The following PRPF6 variants were observed in gnomAD, a reference collection of about 807,000 sequenced individuals.
The protein encoded by PRPF6 is pre-mRNA-processing factor 6.
Under a neutral mutation model 118.3 loss-of-function variants are expected in PRPF6, and 42 were observed. The observed-to-expected ratio is 0.35, with a 90% CI of 0.28 to 0.46. PRPF6 has a LOEUF of 0.46. PRPF6 is among the 20% of genes least tolerant of loss of function. The probability of loss-of-function intolerance (pLI) is 1.00; values close to 1 mark genes in which losing one functional copy is unlikely to be tolerated. For synonymous variants in PRPF6, 481 were observed against 485.1 expected (o/e 0.99, Z 0.11); for missense variants, 662 against 1,255.7 (o/e 0.53, Z 7.15).
rs112328183 is a variant in PRPF6 at position 64,032,068 on chromosome 20, G to T, written c.2673+24G>T. ...AGGTGAGGCCCCTCGACAGACCGCCGCTCAGTGCCTTCTGGGACTGTGGCG... is the reference window on the plus strand; with the variant it reads ...AGGTGAGGCCCCTCGACAGACCGCCTCTCAGTGCCTTCTGGGACTGTGGCG... On this transcript the variant is annotated intron_variant, in intron 20 of 20. Coordinates refer to ENST00000266079, the MANE Select transcript of PRPF6 (RefSeq NM_012469.4). The T allele has an allele frequency of 1.1e-5, 18 of 1,613,278 alleles. No individual in the cohort carries two copies. In the Admixed American group the frequency reaches 2.7e-4, roughly 24 times the overall value.
In PRPF6 at chr20:64,016,777, C is replaced by T. The variant is rs760117864; in HGVS notation, c.1579C>T (p.Arg527Cys). ...TGTGGCCACCTGCCAGGCCGTCATGCGTGCCGTGATTGGGATTGGGATTGA... is the reference window on the plus strand; with the variant it reads ...TGTGGCCACCTGCCAGGCCGTCATGTGTGCCGTGATTGGGATTGGGATTGA... ...GSVATCQAVM[R>C]AVIGIGIEEE... The change falls in exon 12 of 21, where the codon CGT becomes TGT. Residue 527 changes from arginine to cysteine, a missense_variant. Around this residue, in one of 10 missense-constraint regions of PRPF6, gnomAD observed 189 missense variants for 323.5 expected, o/e 0.58. Coordinates refer to ENST00000266079, the MANE Select transcript of PRPF6 (RefSeq NM_012469.4). 6.2e-6 allele frequency: 10 copies of T among 1,614,060 alleles called. No individual in the cohort carries two copies. Among genetic ancestry groups the T allele is most frequent in the South Asian group, 2.2e-5 (2 of 91,082 alleles).
intron 3 of PRPF6, among the ~76,000 whole-genome samples, chr20:63,992,130 C>T (rs1236835295): frequency 6.6e-6 from 1 of 152,142 alleles, no homozygotes; most frequent in Non-Finnish European, 1.5e-5. Flanking sequence ...GCGACAAGGT[C>T]TCGCTCTGTC....
chr20:63,982,560 A>G lies in PRPF6; in HGVS notation c.72-487A>G, dbSNP rs935804544. On this transcript the variant is annotated intron_variant, in intron 1 of 20. Coordinates refer to ENST00000266079, the MANE Select transcript of PRPF6 (RefSeq NM_012469.4). ...GGAAGGCTAAAGGCAGGGAGAGGTA[A>G]CTTGGTTTCCAGCTGTGATGGGAGT... 6.6e-5 allele frequency among the ~76,000 whole-genome samples: 10 copies of G among 152,306 alleles called. 1 individual carries two copies. In the South Asian group the frequency reaches 2.1e-3, roughly 32 times the overall value.
intron 4 of PRPF6, among the ~76,000 whole-genome samples, chr20:63,994,711 C>T (rs188238075): frequency 1.8e-4 from 28 of 152,252 alleles, no homozygotes; most frequent in Admixed American, 1.8e-3. Context: ...GTTGAGGCTG[C>T]AGTGAGCTGT....
At chr20:64,001,634 G>A (rs866765521) in intron 9 of PRPF6, among the ~76,000 whole-genome samples, 3 of 152,210 alleles carry the variant, frequency 2.0e-5, no homozygotes, top group Non-Finnish European at 2.9e-5. Context: ...GACCCGTTGT[G>A]GGTGTTACTC....
chr20:64,014,773 C>G (rs925176815), intron 11 of PRPF6, among the ~76,000 whole-genome samples: 1 of 152,212 alleles, frequency 6.6e-6, no homozygotes, highest in African/African-American at 2.4e-5. Flanking sequence ...CTACCTTAGC[C>G]TACAGTTGGG....
At chr20:63,989,448 A>G (rs2059109157) in intron 3 of PRPF6, among the ~76,000 whole-genome samples, 1 of 152,212 alleles carries the variant, frequency 6.6e-6, no homozygotes, top group Non-Finnish European at 1.5e-5. Flanking sequence ...AAAAGGAAAA[A>G]AATAAAAAGT....
intron 12 of PRPF6, 24 bp from the exon 13 acceptor site, chr20:64,022,733 T>G: frequency 6.2e-7 from 1 of 1,613,908 alleles, no homozygotes; most frequent in South Asian, 1.1e-5. Flanking sequence ...GGGCTGCCCA[T>G]TCTCATGTCT....
chr20:63,984,866 G>A (rs764217116), intron 2 of PRPF6, 41 bp from the exon 3 acceptor site: 4 of 1,416,462 alleles, frequency 2.8e-6, no homozygotes, highest in Non-Finnish European at 4.0e-6. Context: ...GGATGGTGTT[G>A]AAGGAAAAGC....
Position 64,022,751 on chromosome 20 carries a change from C to T in PRPF6, c.1648-6C>T. ...CTGCCCATTCTCATGTCTCTCTCTG[C>T]TCTAGTGTGTAGCCCACAATGCCCT... is the stretch of plus-strand genomic sequence containing the variant. On this transcript the variant is annotated splice_polypyrimidine_tract_variant and splice_region_variant and intron_variant, in intron 12 of 20. Coordinates refer to ENST00000266079, the MANE Select transcript of PRPF6 (RefSeq NM_012469.4). 1.2e-6 allele frequency: 2 copies of T among 1,614,028 alleles called. No homozygotes were observed. The highest frequency in any genetic ancestry group is 3.3e-5 in the Admixed American group (2 of 60,018).
In PRPF6 at chr20:63,986,395, C is replaced by T. The variant is rs2059093418; in HGVS notation, c.359+1370C>T. ...TTCATCATGACCAAGTGGCATTTTG[C>T]CCAGGGGATACAAGTGCAAGGGTGG... On this transcript the variant is annotated intron_variant, in intron 3 of 20. Coordinates refer to ENST00000266079, the MANE Select transcript of PRPF6 (RefSeq NM_012469.4). Among the ~76,000 whole-genome samples the T allele has an allele frequency of 2.0e-5, 3 of 151,238 alleles. No individual in the cohort carries two copies. In the South Asian group the frequency reaches 6.3e-4, roughly 32 times the overall value.
chr20:64,001,544 A>C (rs1294400029), intron 9 of PRPF6, among the ~76,000 whole-genome samples: 1 of 152,140 alleles, frequency 6.6e-6, no homozygotes, highest in Non-Finnish European at 1.5e-5. Flanking sequence ...CAGGGTGAGA[A>C]CAACGGTAGC....
Position 64,026,387 on chromosome 20 carries a change from T to G in PRPF6, c.2028+329T>G, listed in dbSNP as rs546867497. On this transcript the variant is annotated intron_variant, in intron 15 of 20. Coordinates refer to ENST00000266079, the MANE Select transcript of PRPF6 (RefSeq NM_012469.4). The surrounding 1 kb of genome is among the most constrained non-coding windows in gnomAD (Gnocchi z 4.4). ...CGGGCGTGGTGGTGCGTGCCTGTAA[T>G]CCCAGCTGCTCGGGAGGCTGAGGCA... 6.6e-6 allele frequency among the ~76,000 whole-genome samples: 1 copy of G among 152,126 alleles called. No individual in the cohort carries two copies. Among genetic ancestry groups the G allele is most frequent in the Non-Finnish European group, 1.5e-5 (1 of 68,026 alleles).
At chr20:64,002,629 C>T (rs1466328771) in intron 9 of PRPF6, among the ~76,000 whole-genome samples, 2 of 150,704 alleles carry the variant, frequency 1.3e-5, no homozygotes, top group East Asian at 3.9e-4. Flanking sequence ...AGCCCCTGTG[C>T]CTGGCCTTTT....
chr20:63,995,446 A>G lies in PRPF6; in HGVS notation c.735A>G (p.Gln245=), dbSNP rs557813986. The change falls in exon 6 of 21, where the codon CAA becomes CAG. Residue 245 remains glutamine (Q), a synonymous_variant. Transcript: ENST00000266079. Reference sequence around the variant, plus strand: ...AGCTGGACATGAGGAAGATTGGCCAAGCGAGGAACACTCTGATGGACATGA... The same window carrying G: ...AGCTGGACATGAGGAAGATTGGCCAGGCGAGGAACACTCTGATGGACATGA... The part of the protein sequence containing the change: ...TGELDMRKIG[Q]ARNTLMDMRL... 6.2e-7 allele frequency: 1 copy of G among 1,614,068 alleles called. No homozygotes were observed. Among genetic ancestry groups the G allele is most frequent in the African/African-American group, 1.3e-5 (1 of 74,918 alleles).
intron 6 of PRPF6, among the ~76,000 whole-genome samples, chr20:63,995,797 C>T (rs2059138815): frequency 1.3e-5 from 2 of 151,814 alleles, no homozygotes; most frequent in African/African-American, 2.4e-5. Context: ...GCTGGGATTA[C>T]AGGTGCCCAC....
chr20:63,994,076 T>C lies in PRPF6; in HGVS notation c.438+591T>C, dbSNP rs547182555. Among the ~76,000 whole-genome samples the C allele has an allele frequency of 2.6e-5, 4 of 151,912 alleles. No homozygotes were observed. In the East Asian group the frequency reaches 5.8e-4, roughly 22 times the overall value. On this transcript the variant is annotated intron_variant, in intron 4 of 20. Coordinates refer to ENST00000266079, the MANE Select transcript of PRPF6 (RefSeq NM_012469.4). ...CATTTATACGTAAGATTTTCTAAAC[T>C]GTGTCCCCTGGGCTTTGAGAGAATA... is the stretch of plus-strand genomic sequence containing the variant.
rs2059066458 is a variant in PRPF6 at position 63,981,428 on chromosome 20, TG to T, written c.71+114del. ...GCCGCGCAGTCTGAAAGACGCTTGG[TG>T]GATCGGCTTAATCCCTGCAGGAAGC... On this transcript the variant is annotated intron_variant, in intron 1 of 20. Coordinates refer to ENST00000266079, the MANE Select transcript of PRPF6 (RefSeq NM_012469.4). The T allele has an allele frequency of 3.3e-5, 35 of 1,072,518 alleles. No homozygotes were observed. The South Asian group carries it at 5.0e-4, about 15-fold the overall frequency. The allele number at this position is 1,072,518 out of a possible 1,614,324, so 66.4% of individuals were successfully genotyped here.
At chr20:64,021,455 C>T (rs1437131800) in intron 12 of PRPF6, among the ~76,000 whole-genome samples, 2 of 126,778 alleles carry the variant, frequency 1.6e-5, no homozygotes, top group Non-Finnish European at 1.6e-5. Flanking sequence ...CCACAGCCCC[C>T]GTGCATGTGT....
Sources: allele counts gnomAD v4.1 joint callset (sites outside exome capture counted in the v4.1 genomes callset), GRCh38; gene constraint gnomAD v4.1.1; regional missense constraint gnomAD v4.1.1; non-coding constraint Gnocchi (gnomAD v3.1); transcripts MANE v1.5; gene names NCBI Gene and HGNC (gene_info 2026-07-23, HGNC 2026-07-21).